The following CYRIB variants were observed in gnomAD, a reference collection of about 807,000 sequenced individuals.
CYRIB encodes CYFIP-related Rac1 interactor B.
A neutral mutation model predicts 44.2 loss-of-function variants in CYRIB; 8 were observed. The observed-to-expected ratio is 0.18, with a 90% CI of 0.11 to 0.33. The LOEUF is 0.33. CYRIB is among the 10% of genes least tolerant of loss of function. The pLI, the probability that CYRIB is intolerant of heterozygous loss-of-function variation, is 1.00. For synonymous variants in CYRIB, 131 were observed against 127.2 expected (o/e 1.03, Z -0.20); for missense variants, 185 against 382.8 (o/e 0.48, Z 4.31).
At chr8:130,010,940 G>A (rs921485168) in intron 1 of CYRIB, among the ~76,000 whole-genome samples, 1 of 152,016 alleles carries the variant, frequency 6.6e-6, no homozygotes, top group Non-Finnish European at 1.5e-5. Flanking sequence ...CAGAACCTCC[G>A]AGGCAATCCC....
At chr8:129,923,226 A>C (rs2084947015) in intron 1 of CYRIB, among the ~76,000 whole-genome samples, 1 of 151,378 alleles carries the variant, frequency 6.6e-6, no homozygotes, top group Admixed American at 6.6e-5. Context: ...CTGGGCAACA[A>C]GAGCAAAACT....
chr8:130,013,064 T>C (rs573506805), intron 1 of CYRIB, among the ~76,000 whole-genome samples: 57 of 152,370 alleles, frequency 3.7e-4, no homozygotes, highest in African/African-American at 1.3e-3. Flanking sequence ...CAATTCAAGC[T>C]AAAACAGAGA....
At chr8:129,972,372 G>A (rs113558070) in intron 1 of CYRIB, among the ~76,000 whole-genome samples, 1,917 of 152,212 alleles carry the variant, frequency 0.013, 33 homozygotes, top group African/African-American at 0.043. Flanking sequence ...TGAGGTGGGA[G>A]GATCACTTGA....
chr8:129,895,191 C>T (rs925944097), intron 2 of CYRIB, among the ~76,000 whole-genome samples: 14 of 150,988 alleles, frequency 9.3e-5, no homozygotes, highest in Admixed American at 5.3e-4. Context: ...TTTGTAGAGA[C>T]AGGATCTCAT....
chr8:129,862,733 A>C (rs1018644478), intron 4 of CYRIB, among the ~76,000 whole-genome samples: 1 of 152,152 alleles, frequency 6.6e-6, no homozygotes, highest in Admixed American at 6.5e-5. Flanking sequence ...TGGCCTCCCA[A>C]AGTGCTGGGA....
chr8:129,856,461 A>C (rs1367446804), intron 5 of CYRIB, among the ~76,000 whole-genome samples: 4 of 152,176 alleles, frequency 2.6e-5, no homozygotes, highest in Non-Finnish European at 5.9e-5. Context: ...ATTTCATTTC[A>C]ATATTTCAAA....
intron 2 of CYRIB, among the ~76,000 whole-genome samples, chr8:129,967,440 C>A (rs552319051): frequency 9.9e-5 from 15 of 150,914 alleles, no homozygotes; most frequent in African/African-American, 3.7e-4. Context: ...AGTGCAGTGG[C>A]GCGATCTCGG....
intron 2 of CYRIB, among the ~76,000 whole-genome samples, chr8:129,900,634 G>A (rs983010687): frequency 7.9e-5 from 12 of 152,294 alleles, no homozygotes; most frequent in South Asian, 2.1e-4. Flanking sequence ...CAATGATGGC[G>A]TTTCTCTTCT....
intron 2 of CYRIB, 48 bp from the exon 5 acceptor site, chr8:129,879,519 G>A: frequency 1.5e-6 from 2 of 1,334,892 alleles, no homozygotes; most frequent in South Asian, 2.5e-5. Context: ...TTATAAAAAA[G>A]AACATCTGAA....
At chr8:129,984,364 G>A (rs914429261) in intron 1 of CYRIB, among the ~76,000 whole-genome samples, 1 of 152,024 alleles carries the variant, frequency 6.6e-6, no homozygotes, top group Non-Finnish European at 1.5e-5. Flanking sequence ...CCCACCCACT[G>A]AGCATCCAAG....
chr8:129,983,272 C>G (rs894774164), intron 1 of CYRIB, among the ~76,000 whole-genome samples: 1 of 151,986 alleles, frequency 6.6e-6, no homozygotes, highest in Non-Finnish European at 1.5e-5. Flanking sequence ...GGTGAAACCC[C>G]GTCTCTACTA....
intron 1 of CYRIB, among the ~76,000 whole-genome samples, chr8:129,983,653 G>T (rs2096337558): frequency 6.6e-6 from 1 of 152,176 alleles, no homozygotes; most frequent in Admixed American, 6.5e-5. Context: ...ATCCAGGCCA[G>T]TCCCAGAGCA....
At chr8:129,996,089 C>A (rs568782793) in intron 1 of CYRIB, among the ~76,000 whole-genome samples, 1 of 152,344 alleles carries the variant, frequency 6.6e-6, no homozygotes, top group Admixed American at 6.5e-5. Flanking sequence ...ACTGCACACT[C>A]CAGTTTGTAA....
chr8:129,863,044 G>A (rs947896023), intron 4 of CYRIB, among the ~76,000 whole-genome samples: 17 of 152,236 alleles, frequency 1.1e-4, no homozygotes, highest in African/African-American at 4.1e-4. Context: ...CCATATCACA[G>A]AGTCTCTTAG....
chr8:129,953,181 A>G (rs1339906251), intron 2 of CYRIB, among the ~76,000 whole-genome samples: 2 of 152,212 alleles, frequency 1.3e-5, no homozygotes, highest in Non-Finnish European at 2.9e-5. Context: ...AGCAACGCAC[A>G]ACTGCCAAAT....
At chr8:129,884,191 C>T (rs1011281801) in intron 2 of CYRIB, among the ~76,000 whole-genome samples, 1 of 152,170 alleles carries the variant, frequency 6.6e-6, no homozygotes, top group African/African-American at 2.4e-5. Flanking sequence ...ACTAATACCC[C>T]TTTTAGCTGT....
intron 1 of CYRIB, among the ~76,000 whole-genome samples, chr8:129,934,427 T>A (rs2092397082): frequency 6.6e-6 from 1 of 152,202 alleles, no homozygotes; most frequent in South Asian, 2.1e-4. Context: ...TAATATCACA[T>A]TATGATATGT....
chr8:129,866,788 T>G (rs2053877561), intron 4 of CYRIB, among the ~76,000 whole-genome samples: 2 of 152,228 alleles, frequency 1.3e-5, no homozygotes, highest in African/African-American at 4.8e-5. Flanking sequence ...CTGCCTTGCC[T>G]AGATTTAGAA....
chr8:129,859,019 C>CG (rs1486452579), intron 5 of CYRIB, among the ~76,000 whole-genome samples: 1 of 152,140 alleles, frequency 6.6e-6, no homozygotes, highest in Non-Finnish European at 1.5e-5. Flanking sequence ...CAGCTGGGCC[C>CG]GGGGGACCAC....
Sources: allele counts gnomAD v4.1 joint callset (sites outside exome capture counted in the v4.1 genomes callset), GRCh38; gene constraint gnomAD v4.1.1; transcripts MANE v1.5; gene names NCBI Gene and HGNC (gene_info 2026-07-23, HGNC 2026-07-21).